Variants in CCDC93 observed in about 807,000 individuals in gnomAD.
CCDC93 encodes the protein CCC complex scaffolding subunit CCDC93, also known as coiled-coil domain-containing protein 93.
In CCDC93, 61 loss-of-function variants were observed where a neutral mutation model predicts 108.2. That is an observed-to-expected ratio of 0.56 (90% confidence interval 0.46 to 0.70). The LOEUF (loss-of-function observed/expected upper bound fraction) is 0.70, where lower values mean the gene tolerates loss of function less well. CCDC93 is among the 30% of genes least tolerant of loss of function. The probability of loss-of-function intolerance (pLI) is 0.00; values close to 1 mark genes in which losing one functional copy is unlikely to be tolerated. For missense variants in CCDC93, 685 were observed against 764.2 expected (o/e 0.90, Z 1.22); for synonymous variants, 276 against 260.4 (o/e 1.06, Z -0.58).
rs2161828 is a variant in CCDC93 at position 117,945,858 on chromosome 2, C to G, written c.1297-276G>C. Among the ~76,000 whole-genome samples the G allele has an allele frequency of 0.39, 59,109 of 151,988 alleles. 12,152 individuals carry two copies. The highest frequency in any genetic ancestry group is 0.68 in the East Asian group (3,478 of 5,150). ...GTAAGAATCTCGCTAACAAGATGTG[C>G]TGAAAAGAGAAATGAGATCTTAAGA... On this transcript the variant is annotated intron_variant, in intron 16 of 23. Coordinates refer to ENST00000376300, the MANE Select transcript of CCDC93 (RefSeq NM_019044.5).
At chr2:117,948,952 T>C (rs1300600235) in intron 14 of CCDC93, among the ~76,000 whole-genome samples, 1 of 152,176 alleles carries the variant, frequency 6.6e-6, no homozygotes, top group African/African-American at 2.4e-5. Flanking sequence ...TTTAAAAACT[T>C]GTAACAATAG....
At chr2:117,945,682 G>T in intron 16 of CCDC93, 100 bp from the exon 17 acceptor site, 1 of 952,382 alleles carries the variant, frequency 1.0e-6, no homozygotes, top group South Asian at 1.4e-5. Flanking sequence ...AGGGGCATAA[G>T]GGTGCAGCTG....
chr2:117,922,875 G>A (rs1460017003), intron 23 of CCDC93, among the ~76,000 whole-genome samples: 5 of 152,096 alleles, frequency 3.3e-5, no homozygotes, highest in Admixed American at 6.5e-5. Context: ...GGAGTAGCAA[G>A]CAAGTCCCTA....
intron 23 of CCDC93, among the ~76,000 whole-genome samples, chr2:117,929,966 C>T (rs1678271199): frequency 6.6e-6 from 1 of 152,238 alleles, no homozygotes. Context: ...CCATCCGTCT[C>T]TCCCACCACA....
At chr2:117,930,631 AC>A (rs1192305331) in intron 23 of CCDC93, 1 of 155,702 alleles carries the variant, frequency 6.4e-6, no homozygotes, top group Admixed American at 6.4e-5. Context: ...CAAGCCTGTG[AC>A]ACTTCAAAGT....
At chr2:117,986,132 G>A (rs1680311154) in intron 6 of CCDC93, 63 bp from the exon 7 acceptor site, 4 of 872,590 alleles carry the variant, frequency 4.6e-6, no homozygotes, top group African/African-American at 1.7e-5. Flanking sequence ...ATTGGCTGCT[G>A]GATGCCTCCA....
intron 6 of CCDC93, among the ~76,000 whole-genome samples, chr2:117,993,824 T>C (rs1028571736): frequency 2.6e-5 from 4 of 152,160 alleles, no homozygotes; most frequent in Non-Finnish European, 1.5e-5. Context: ...ACCTCTGCCT[T>C]CTGGGTTCAA....
chr2:117,931,230 T>C (rs1573464855), intron 22 of CCDC93, 80 bp from the exon 23 acceptor site: 5 of 866,992 alleles, frequency 5.8e-6, no homozygotes, highest in East Asian at 2.4e-5. Flanking sequence ...AAGGCAACAG[T>C]TGTTAACAGT....
At chr2:117,945,465 A>G (rs1678839878) in intron 17 of CCDC93, 64 bp downstream of exon 17, 2 of 1,308,822 alleles carry the variant, frequency 1.5e-6, no homozygotes, top group African/African-American at 1.5e-5. Context: ...CCATCACAGG[A>G]GAGTGGAAAG....
rs767983584 is a variant in CCDC93 at position 117,948,186 on chromosome 2, A to C, written c.1143T>G (p.Ser381Arg). 3.1e-6 allele frequency: 5 copies of C among 1,610,392 alleles called. No homozygotes were observed. The Admixed American group carries it at 8.4e-5, about 27-fold the overall frequency. ...LEKIESKADP[S>R]ILQNLRALVA... ...CAAGTGCTCTCAGGTTCTGTAGGAT[A>C]CTGAAGAGAAAAGACAAAAAAATGA... The change falls in exon 15 of 24, where the codon AGT becomes AGG. Residue 381 changes from serine (S) to arginine (R), a missense_variant and splice_region_variant. Transcript: ENST00000376300.
Position 117,982,760 on chromosome 2 carries a change from G to C in CCDC93, c.620+3209C>G, listed in dbSNP as rs896348482. ...GCTGTGATGCCATAGTGTAGTGGGG[G>C]GGGGGGTGCGTGAGGAAGTCAGGAA... On this transcript the variant is annotated intron_variant, in intron 7 of 23. Transcript: ENST00000376300. 3.0e-4 allele frequency among the ~76,000 whole-genome samples: 46 copies of C among 151,994 alleles called. 1 individual carries two copies. The East Asian group carries it at 7.7e-3, about 26-fold the overall frequency.
At chr2:117,969,945 T>C (rs1222334287) in intron 11 of CCDC93, among the ~76,000 whole-genome samples, 2 of 152,146 alleles carry the variant, frequency 1.3e-5, no homozygotes, top group African/African-American at 4.8e-5. Context: ...CCAAATCCTA[T>C]ACTAAGTCCT....
intron 20 of CCDC93, among the ~76,000 whole-genome samples, chr2:117,938,447 G>T (rs1375413983): frequency 6.6e-6 from 1 of 151,964 alleles, no homozygotes; most frequent in East Asian, 1.9e-4. Context: ...TGACGAGTTA[G>T]TGGGTGCAGC....
At chr2:117,953,552 G>C (rs542586082) in intron 12 of CCDC93, among the ~76,000 whole-genome samples, 1 of 152,248 alleles carries the variant, frequency 6.6e-6, no homozygotes, top group South Asian at 2.1e-4. Flanking sequence ...GCTATGGTCT[G>C]AATGTTAGTG....
intron 13 of CCDC93, chr2:117,949,705 TAAAA>T: frequency 1.3e-6 from 1 of 747,236 alleles, no homozygotes; most frequent in Non-Finnish European, 1.6e-6. Context: ...ATTCAAAAAT[TAAAA>T]AAAAAAAGTT....
intron 13 of CCDC93, chr2:117,950,588 T>C: frequency 1.0e-6 from 1 of 985,310 alleles, no homozygotes; most frequent in Non-Finnish European, 1.2e-6. Flanking sequence ...GAAGGGCAGG[T>C]TTTGCTGAAG....
At chr2:117,997,754 C>T (rs933612989) in intron 4 of CCDC93, 8 of 152,226 alleles carry the variant, frequency 5.3e-5, no homozygotes, top group Admixed American at 2.6e-4. Context: ...TAGTCCCTCA[C>T]CTGTACTCCA....
intron 14 of CCDC93, among the ~76,000 whole-genome samples, chr2:117,948,891 TG>T (rs1159890303): frequency 6.6e-6 from 1 of 152,232 alleles, no homozygotes; most frequent in African/African-American, 2.4e-5. Flanking sequence ...CAGCAGCAGC[TG>T]TGTCTTGACA....
chr2:117,958,536 A>G (rs1679290052), intron 11 of CCDC93, 55 bp from the exon 12 acceptor site: 1 of 1,048,206 alleles, frequency 9.5e-7, no homozygotes, highest in Non-Finnish European at 1.5e-6. Flanking sequence ...ACCTTGGTTC[A>G]TGTAATCAAG....
Sources: gnomAD v4.1 joint callset for allele counts (sites outside exome capture counted in the v4.1 genomes callset) on GRCh38, gnomAD v4.1.1 for gene constraint, MANE v1.5 for transcripts, NCBI Gene and HGNC (gene_info 2026-07-23, HGNC 2026-07-21) for gene names.